AGBL4: variants seen among roughly 807,000 people sequenced by gnomAD.
AGBL4 encodes the protein cytosolic carboxypeptidase 6.
Under a neutral mutation model 66.4 loss-of-function variants are expected in AGBL4, and 58 were observed. That is an observed-to-expected ratio of 0.87 (90% CI 0.71 to 1.09). The LOEUF (loss-of-function observed/expected upper bound fraction) is 1.09. AGBL4 is among the 50% of genes least tolerant of loss of function. The pLI is 0.00. For missense variants in AGBL4, 579 were observed against 631.0 expected, an observed-to-expected ratio of 0.92 and a Z score of 0.88; for synonymous variants, 234 against 222.9, an observed-to-expected ratio of 1.05 and a Z score of -0.44.
At position 48,534,234 on chromosome 1, in the gene AGBL4, G is replaced by A. The variant is rs1200974392; in HGVS notation, c.1451C>T (p.Pro484Leu). ...PLLRGPASNY[P>L]NSKGDKKSSV... ...GCTCTTCTTGTCCCCTTTGCTGTTG[G>A]GGTAGTTGCTGGCTGGGCCCCGCAG... Residue 484 changes from proline (P) to leucine (L), a missense_variant, in exon 14 of 14, where the codon CCC becomes CTC. Pro to Leu is a moderately conservative substitution (Grantham distance 98). Coordinates refer to ENST00000371839, the MANE Select transcript of AGBL4 (RefSeq NM_032785.4). The A allele has an allele frequency of 3.2e-6, 5 of 1,551,590 alleles. No homozygotes were observed. The highest frequency in any genetic ancestry group is 3.9e-5 in the Admixed American group (2 of 50,982).
At chr1:48,863,349 A>G (rs926069355) in intron 6 of AGBL4, among the ~76,000 whole-genome samples, 1 of 152,202 alleles carries the variant, frequency 6.6e-6, no homozygotes, top group Non-Finnish European at 1.5e-5. Flanking sequence ...GAAAAGAAAT[A>G]AAGTGAATGA....
At chr1:49,540,620 TAA>T (rs1651937149) in intron 3 of AGBL4, among the ~76,000 whole-genome samples, 2 of 152,200 alleles carry the variant, frequency 1.3e-5, no homozygotes, top group Non-Finnish European at 1.5e-5. Context: ...TATATGGCAA[TAA>T]AAAGAGACTG....
intron 5 of AGBL4, among the ~76,000 whole-genome samples, chr1:49,016,009 G>T (rs1279198873): frequency 6.6e-6 from 1 of 152,088 alleles, no homozygotes. Flanking sequence ...GTAGAATATA[G>T]ACACCACCAC....
chr1:48,747,947 G>A (rs1651024433), intron 6 of AGBL4, among the ~76,000 whole-genome samples: 3 of 151,956 alleles, frequency 2.0e-5, no homozygotes, highest in Non-Finnish European at 4.4e-5. Context: ...TTAGAAAAAA[G>A]GACTAAATCC....
chr1:48,748,087 A>T (rs79127277), intron 6 of AGBL4, among the ~76,000 whole-genome samples: 2 of 152,194 alleles, frequency 1.3e-5, no homozygotes, highest in African/African-American at 4.8e-5. Context: ...CACAGAAAGT[A>T]CTAGATTTGG....
intron 9 of AGBL4, among the ~76,000 whole-genome samples, chr1:48,628,529 T>C (rs78771725): frequency 0.024 from 3,618 of 152,224 alleles, 134 homozygotes; most frequent in African/African-American, 0.08. Flanking sequence ...GAAGAGAGCA[T>C]TGGGCCATAG....
intron 3 of AGBL4, among the ~76,000 whole-genome samples, chr1:49,605,655 G>A (rs1165923986): frequency 6.6e-6 from 1 of 152,092 alleles, no homozygotes; most frequent in Non-Finnish European, 1.5e-5. Context: ...GCAATGCCAA[G>A]AATGAGTTTT....
At chr1:49,362,582 G>A (rs1013236917) in intron 3 of AGBL4, among the ~76,000 whole-genome samples, 9 of 151,504 alleles carry the variant, frequency 5.9e-5, no homozygotes, top group Admixed American at 4.0e-4. Flanking sequence ...TTTTCTTTGC[G>A]CAAACACCCA....
chr1:49,598,077 G>C (rs1041816042), intron 3 of AGBL4, among the ~76,000 whole-genome samples: 2 of 152,262 alleles, frequency 1.3e-5, no homozygotes, highest in Admixed American at 1.3e-4. Context: ...GTTAGAGAGG[G>C]CATCCTTGTC....
intron 12 of AGBL4, 60 bp downstream of exon 12, chr1:48,539,582 C>T: frequency 7.5e-7 from 1 of 1,327,078 alleles, no homozygotes; most frequent in Non-Finnish European, 1.0e-6. Context: ...AGGGAAGTTG[C>T]CCCTGAATAC....
intron 2 of AGBL4, among the ~76,000 whole-genome samples, chr1:49,812,408 A>G (rs1335328898): frequency 1.3e-5 from 2 of 152,178 alleles, no homozygotes; most frequent in African/African-American, 2.4e-5. Context: ...GTATACATGG[A>G]CTTGTAGATT....
At chr1:49,113,838 T>C (rs1348258736) in intron 4 of AGBL4, among the ~76,000 whole-genome samples, 2 of 152,352 alleles carry the variant, frequency 1.3e-5, no homozygotes. Flanking sequence ...TGAAGAATTT[T>C]TTTTTTCCCT....
chr1:49,724,862 C>T (rs192487392), intron 2 of AGBL4, among the ~76,000 whole-genome samples: 2 of 152,060 alleles, frequency 1.3e-5, no homozygotes, highest in Admixed American at 1.3e-4. Flanking sequence ...TGAGCACTGC[C>T]AGAATTTTGA....
chr1:49,755,045 GA>G (rs1326423217), intron 2 of AGBL4, among the ~76,000 whole-genome samples: 2 of 152,090 alleles, frequency 1.3e-5, no homozygotes, highest in African/African-American at 4.8e-5. Flanking sequence ...ATTTTAATGT[GA>G]ATTTTACCTA....
rs571463980 is a variant in AGBL4 at position 49,880,629 on chromosome 1, C to A, written c.35-29111G>T. On this transcript the variant is annotated intron_variant, in intron 1 of 13. Transcript: ENST00000371839. ...TGTCTTTTTGTTTGTCTGTGCCCTG[C>A]CCCCAGAGGTGGAGCCTACAGAGGC... Among the ~76,000 whole-genome samples, 210 of 152,210 alleles carry A rather than the reference C, an allele frequency of 1.4e-3. 1 individual carries two copies. Among genetic ancestry groups the A allele is most frequent in the African/African-American group, 4.8e-3 (199 of 41,500 alleles).
chr1:48,729,189 G>T (rs1447509106), intron 6 of AGBL4, among the ~76,000 whole-genome samples: 2 of 152,154 alleles, frequency 1.3e-5, no homozygotes, highest in South Asian at 2.1e-4. Context: ...ACCTGTATGG[G>T]GTTGTTCTGA....
chr1:49,387,550 A>G (rs1644760925), intron 3 of AGBL4, among the ~76,000 whole-genome samples: 1 of 151,980 alleles, frequency 6.6e-6, no homozygotes, highest in South Asian at 2.1e-4. Flanking sequence ...GTAATGAACT[A>G]ATAGATACCC....
intron 6 of AGBL4, chr1:48,759,268 T>C: frequency 1.3e-6 from 2 of 1,560,040 alleles, no homozygotes; most frequent in East Asian, 4.8e-5. Context: ...TTCGCTCGGC[T>C]TCCGCCCCTC....
At chr1:49,703,675 G>A (rs750293143) in intron 2 of AGBL4, among the ~76,000 whole-genome samples, 47 of 152,014 alleles carry the variant, frequency 3.1e-4, no homozygotes, top group Non-Finnish European at 4.3e-4. Context: ...CATGTAGGGT[G>A]TCCTTCTATT....
Sources: allele counts gnomAD v4.1 joint callset (sites outside exome capture counted in the v4.1 genomes callset), GRCh38; gene constraint gnomAD v4.1.1; transcripts MANE v1.5; gene names NCBI Gene and HGNC (gene_info 2026-07-23, HGNC 2026-07-21).